The following CLPB variants were observed in gnomAD, a reference collection of about 807,000 sequenced individuals.
CLPB encodes mitochondrial disaggregase.
CLPB carries 40 observed loss-of-function variants against 78.4 expected under a neutral mutation model. The observed-to-expected ratio is 0.51, with a 90% CI of 0.40 to 0.66. The LOEUF (loss-of-function observed/expected upper bound fraction) is 0.66, where lower values mean the gene tolerates loss of function less well. Among genes scored for constraint, CLPB ranks in the 30% least tolerant of loss-of-function variants. CLPB has a pLI of 0.00. For synonymous variants in CLPB, 333 were observed against 348.0 expected (o/e 0.96, Z 0.48); for missense variants, 780 against 886.9 (o/e 0.88, Z 1.53).
At chr11:72,388,127 G>A (rs1006496405) in intron 3 of CLPB, among the ~76,000 whole-genome samples, 2 of 152,100 alleles carry the variant, frequency 1.3e-5, no homozygotes, top group African/African-American at 4.8e-5. Context: ...GACTAGGATC[G>A]ACCCTGGGGC....
Position 72,295,253 on chromosome 11 carries a change from C to T in CLPB, c.1486+239G>A, listed in dbSNP as rs1949529459. 3.3e-5 allele frequency among the ~76,000 whole-genome samples: 5 copies of T among 152,228 alleles called. No homozygotes were observed. In the South Asian group the frequency reaches 1.0e-3, roughly 31 times the overall value. On this transcript the variant is annotated intron_variant, in intron 12 of 15. Transcript: ENST00000538039. ...CCACCCTGGTGTAGCTCTGTCCATTCCTGCCTGGAGCCCTCTTATCACCCA... is the reference window on the plus strand; with the variant it reads ...CCACCCTGGTGTAGCTCTGTCCATTTCTGCCTGGAGCCCTCTTATCACCCA...
chr11:72,334,561 C>T (rs1023414906), intron 5 of CLPB, among the ~76,000 whole-genome samples: 2 of 152,254 alleles, frequency 1.3e-5, no homozygotes, highest in Non-Finnish European at 2.9e-5. Flanking sequence ...CCACGACCAA[C>T]GGCCACAAAC....
At chr11:72,394,460 T>G (rs1232368674) in intron 3 of CLPB, among the ~76,000 whole-genome samples, 2 of 152,016 alleles carry the variant, frequency 1.3e-5, no homozygotes, top group Non-Finnish European at 2.9e-5. Context: ...TATCCCCAAC[T>G]GCCACTCTCC....
intron 2 of CLPB, among the ~76,000 whole-genome samples, chr11:72,403,980 C>T (rs980177173): frequency 6.6e-6 from 1 of 152,118 alleles, no homozygotes; most frequent in African/African-American, 2.4e-5. Context: ...TAAGAGTAAT[C>T]GCCTCTTTTC....
At chr11:72,297,140 G>A (rs774193446) in intron 11 of CLPB, among the ~76,000 whole-genome samples, 1 of 152,214 alleles carries the variant, frequency 6.6e-6, no homozygotes, top group Non-Finnish European at 1.5e-5. Flanking sequence ...GATTTCTTTT[G>A]GGAAGCAGAG....
chr11:72,341,935 G>C (rs1321925839), intron 5 of CLPB, among the ~76,000 whole-genome samples: 4 of 152,182 alleles, frequency 2.6e-5, no homozygotes, highest in Admixed American at 1.3e-4. Context: ...GGAAGAACAA[G>C]GCTGTTATAA....
intron 5 of CLPB, chr11:72,354,342 T>C (rs920822082): frequency 5.0e-6 from 2 of 398,214 alleles, no homozygotes; most frequent in Admixed American, 4.4e-5. Flanking sequence ...TTAATTCCTG[T>C]GTACGATGGA....
chr11:72,332,320 TAAAA>T, intron 5 of CLPB, among the ~76,000 whole-genome samples: 1 of 112,138 alleles, frequency 8.9e-6, no homozygotes, highest in Non-Finnish European at 1.9e-5. Context: ...CCATCTCTAC[TAAAA>T]AAAAAAAAAA....
intron 2 of CLPB, among the ~76,000 whole-genome samples, chr11:72,419,727 A>G (rs1476487729): frequency 6.6e-6 from 1 of 152,070 alleles, no homozygotes; most frequent in African/African-American, 2.4e-5. Flanking sequence ...ACTCTTCCTT[A>G]TCCTTCAATT....
rs1949381251 is a variant in CLPB, at chr11:72,285,916, TCAGA to T, written c.*7447_*7450del. 2 of 151,920 alleles carry T rather than the reference TCAGA, an allele frequency of 1.3e-5. No homozygotes were observed. Among genetic ancestry groups the T allele is most frequent in the Non-Finnish European group, 2.9e-5 (2 of 67,990 alleles). The allele number at this position is 151,920 out of a possible 1,614,324, so 9.4% of individuals were successfully genotyped here. A position where few individuals can be genotyped will look rare whatever the true frequency, so the allele number is the denominator to read the frequency against. On this transcript the variant is annotated 3_prime_UTR_variant, in exon 16 of 16. Transcript: ENST00000538039. ...TGATTTTTGTACAGTTATCTTTTATTCAGACACTTATCCATGCTAATAGGCTTCT... is the reference window on the plus strand; with the variant it reads ...TGATTTTTGTACAGTTATCTTTTATTCACTTATCCATGCTAATAGGCTTCT...
chr11:72,426,199 G>C (rs1856369899), intron 2 of CLPB, among the ~76,000 whole-genome samples: 1 of 152,232 alleles, frequency 6.6e-6, no homozygotes, highest in East Asian at 1.9e-4. Context: ...CTAGCCCCCT[G>C]CTGGGAGAAG....
intron 3 of CLPB, among the ~76,000 whole-genome samples, chr11:72,394,135 A>T (rs1855334887): frequency 6.6e-6 from 1 of 152,230 alleles, no homozygotes; most frequent in Admixed American, 6.5e-5. Flanking sequence ...TATAGATGTC[A>T]TTAGAGACAT....
At position 72,289,319 on chromosome 11, in the gene CLPB, T is replaced by A. The variant is rs187493617; in HGVS notation, c.*4048A>T. 1 of 152,286 alleles carries A rather than the reference T, an allele frequency of 6.6e-6. No individual in the cohort carries two copies. 9.4% of individuals were successfully genotyped at this position (152,286 alleles called of 1,614,324 possible). On this transcript the variant is annotated 3_prime_UTR_variant, in exon 16 of 16. Transcript: ENST00000538039. ...TGATTTTAAGTTATATGCCTAGTATTCCTGGCCACAGTTAACTGAACCAAC... is the reference window on the plus strand; with the variant it reads ...TGATTTTAAGTTATATGCCTAGTATACCTGGCCACAGTTAACTGAACCAAC...
At chr11:72,358,599 G>A (rs571152651) in intron 5 of CLPB, among the ~76,000 whole-genome samples, 2 of 152,240 alleles carry the variant, frequency 1.3e-5, no homozygotes, top group South Asian at 4.1e-4. Context: ...CAGGCAGGAT[G>A]ACATGGTGTA....
chr11:72,407,385 A>G (rs1477796045), intron 2 of CLPB, among the ~76,000 whole-genome samples: 1 of 152,192 alleles, frequency 6.6e-6, no homozygotes, highest in Non-Finnish European at 1.5e-5. Context: ...GGGCTATTAT[A>G]TTATTGTTTT....
chr11:72,351,887 T>C (rs898622645), intron 5 of CLPB, among the ~76,000 whole-genome samples: 1 of 152,096 alleles, frequency 6.6e-6, no homozygotes, highest in Non-Finnish European at 1.5e-5. Flanking sequence ...CATTTTTTTT[T>C]AAAACCTGTT....
chr11:72,430,612 C>T, intron 1 of CLPB: 1 of 503,932 alleles, frequency 2.0e-6, no homozygotes, highest in Non-Finnish European at 3.6e-6. Context: ...AGAGGGAATG[C>T]AGGTCAACTG....
At position 72,408,216 on chromosome 11, in the gene CLPB, T is replaced by C. The variant is rs759719191; in HGVS notation, c.456-5164A>G. On this transcript the variant is annotated intron_variant, in intron 2 of 15. Coordinates refer to ENST00000538039, the MANE Select transcript of CLPB (RefSeq NM_001258392.3). Reference sequence around the variant, plus strand: ...GCAGTCTCTTGGGGCTGAGGTATAATGGAAAAAAAGCAATGACCCTGGAGT... The same window carrying C: ...GCAGTCTCTTGGGGCTGAGGTATAACGGAAAAAAAGCAATGACCCTGGAGT... 3.0e-5 allele frequency: 46 copies of C among 1,530,274 alleles called. 1 individual carries two copies. In the South Asian group the frequency reaches 4.6e-4, roughly 15 times the overall value. The allele number at this position is 1,530,274 out of a possible 1,614,324, so 94.8% of individuals were successfully genotyped here.
chr11:72,293,508 G>A lies in CLPB; in HGVS notation c.1893C>T (p.Leu631=). ...ITVEDSDKQL[L]KSPELPSPQA... ...GGGGTGAGGGCAGTTCTGGGCTTTTGAGTAGCTGCTTGTCTGAGTCCTCCA... is the reference window on the plus strand; with the variant it reads ...GGGGTGAGGGCAGTTCTGGGCTTTTAAGTAGCTGCTTGTCTGAGTCCTCCA... Residue 631 remains leucine (L), a synonymous_variant, in exon 16 of 16, where the codon CTC becomes CTT. Transcript: ENST00000538039. 6.2e-7 allele frequency: 1 copy of A among 1,614,156 alleles called. No individual in the cohort carries two copies. The highest frequency in any genetic ancestry group is 8.5e-7 in the Non-Finnish European group (1 of 1,180,026).
Sources: gnomAD v4.1 joint callset for allele counts (sites outside exome capture counted in the v4.1 genomes callset) on GRCh38, gnomAD v4.1.1 for gene constraint, MANE v1.5 for transcripts, NCBI Gene and HGNC (gene_info 2026-07-23, HGNC 2026-07-21) for gene names.